The following IRAG1 variants were observed in gnomAD, a reference collection of about 807,000 sequenced individuals.
The protein encoded by IRAG1 is inositol 1,4,5-triphosphate receptor associated 1.
IRAG1 carries 62 observed loss-of-function variants against 106.2 expected under a neutral mutation model. That is an observed-to-expected ratio of 0.58 (90% confidence interval 0.48 to 0.72). The LOEUF is 0.72. Ranked by LOEUF, IRAG1 falls within the 30% of genes least tolerant of loss-of-function variation. IRAG1 has a pLI of 0.00. For missense variants in IRAG1, 1,064 were observed against 1,140.7 expected (o/e 0.93, Z 0.97); for synonymous variants, 462 against 443.9 (o/e 1.04, Z -0.51).
At chr11:10,609,243 C>T (rs1014426933) in intron 11 of IRAG1, among the ~76,000 whole-genome samples, 1 of 152,182 alleles carries the variant, frequency 6.6e-6, no homozygotes, top group African/African-American at 2.4e-5. Flanking sequence ...TATGGTCTTT[C>T]TACCAACTTT....
Position 10,657,329 on chromosome 11 carries a change from T to C in IRAG1, c.68-5147A>G, listed in dbSNP as rs1858999576. Among the ~76,000 whole-genome samples the C allele has an allele frequency of 6.6e-6, 1 of 152,196 alleles. No homozygotes were observed. Among genetic ancestry groups the C allele is most frequent in the African/African-American group, 2.4e-5 (1 of 41,450 alleles). ...GGGAATTCACCGAATCTGGGTCTGA[T>C]GCTCCCCTTCCTTGCAGGGCCAAGC... On this transcript the variant is annotated intron_variant, in intron 1 of 20. Transcript: ENST00000423302. The surrounding 1 kb of genome is among the most constrained non-coding windows in gnomAD (Gnocchi z 4.1).
chr11:10,654,921 C>T (rs1352315137), intron 1 of IRAG1, among the ~76,000 whole-genome samples: 1 of 152,282 alleles, frequency 6.6e-6, no homozygotes, highest in Non-Finnish European at 1.5e-5. Flanking sequence ...TCTGTGTCTT[C>T]CATGCCAAAT....
chr11:10,615,258 C>A (rs538529884), intron 10 of IRAG1, among the ~76,000 whole-genome samples: 1 of 152,074 alleles, frequency 6.6e-6, no homozygotes, highest in African/African-American at 2.4e-5. Context: ...GTTAGAATGG[C>A]GATCATTAAA....
chr11:10,675,049 T>C (rs538189011), intron 1 of IRAG1, among the ~76,000 whole-genome samples: 2 of 152,328 alleles, frequency 1.3e-5, no homozygotes, highest in South Asian at 4.1e-4. Context: ...GGCACCGCCC[T>C]GCAGATTCTG....
chr11:10,593,774 A>C, intron 16 of IRAG1, 175 bp from the exon 17 acceptor site: 1 of 593,316 alleles, frequency 1.7e-6, no homozygotes, highest in Non-Finnish European at 3.0e-6. Context: ...AGTTGACCCA[A>C]ATTTTCTGTT....
At chr11:10,577,898 T>C (rs1369888086) in intron 20 of IRAG1, among the ~76,000 whole-genome samples, 1 of 152,200 alleles carries the variant, frequency 6.6e-6, no homozygotes, top group African/African-American at 2.4e-5. Context: ...TCATTGACTA[T>C]TTTCACAACT....
At chr11:10,629,233 A>G (rs1856506409) in intron 5 of IRAG1, among the ~76,000 whole-genome samples, 1 of 152,178 alleles carries the variant, frequency 6.6e-6, no homozygotes, top group Non-Finnish European at 1.5e-5. Flanking sequence ...CTTTTTGCTC[A>G]GGAAGAAAAG....
At chr11:10,653,587 A>C (rs112267931) in intron 1 of IRAG1, among the ~76,000 whole-genome samples, 1 of 152,146 alleles carries the variant, frequency 6.6e-6, no homozygotes, top group Non-Finnish European at 1.5e-5. Flanking sequence ...GGAACCAGAT[A>C]TCTCGGTGTG....
At chr11:10,677,341 G>A (rs1860764042) in intron 1 of IRAG1, among the ~76,000 whole-genome samples, 1 of 152,190 alleles carries the variant, frequency 6.6e-6, no homozygotes, top group Non-Finnish European at 1.5e-5. Flanking sequence ...TGTACATACT[G>A]TAGTACCTCT....
chr11:10,685,241 G>A (rs186883398), intron 1 of IRAG1, among the ~76,000 whole-genome samples: 1 of 152,230 alleles, frequency 6.6e-6, no homozygotes, highest in African/African-American at 2.4e-5. Context: ...GAGGTTAGGA[G>A]TTCGAGACCA....
intron 1 of IRAG1, among the ~76,000 whole-genome samples, chr11:10,668,055 C>T (rs557961428): frequency 1.4e-4 from 22 of 152,326 alleles, no homozygotes; most frequent in African/African-American, 4.1e-4. Context: ...GAATATTCCA[C>T]GTGCTATCAA....
rs1463652124 is a variant in IRAG1, at chr11:10,574,415, A to C, written c.*1917T>G. 6.6e-6 allele frequency: 1 copy of C among 152,166 alleles called. No individual in the cohort carries two copies. The highest frequency in any genetic ancestry group is 1.5e-5 in the Non-Finnish European group (1 of 68,034). 9.4% of individuals were successfully genotyped at this position (152,166 alleles called of 1,614,324 possible). A position where few individuals can be genotyped will look rare whatever the true frequency, so the allele number is the denominator to read the frequency against. On this transcript the variant is annotated 3_prime_UTR_variant, in exon 21 of 21. Coordinates refer to ENST00000423302, the MANE Select transcript of IRAG1 (RefSeq NM_130385.4). ...CACTTACCCAAGAGATGGGTAAGAC[A>C]TGGTTCTTGTCTTTGAGGAAAAATG...
At chr11:10,583,796 A>G (rs946188943) in intron 18 of IRAG1, among the ~76,000 whole-genome samples, 1 of 152,172 alleles carries the variant, frequency 6.6e-6, no homozygotes, top group Non-Finnish European at 1.5e-5. Flanking sequence ...AACAAAGGTA[A>G]GATGATGATG....
At chr11:10,611,978 G>T (rs931920102) in intron 10 of IRAG1, among the ~76,000 whole-genome samples, 1 of 152,128 alleles carries the variant, frequency 6.6e-6, no homozygotes, top group African/African-American at 2.4e-5. Context: ...CAGAATGATC[G>T]CACAGAACAC....
intron 2 of IRAG1, among the ~76,000 whole-genome samples, chr11:10,641,460 C>A (rs1295194551): frequency 6.6e-6 from 1 of 152,218 alleles, no homozygotes; most frequent in East Asian, 1.9e-4. Flanking sequence ...AAGGACCCAC[C>A]ACCAAGGCCA....
intron 1 of IRAG1, among the ~76,000 whole-genome samples, chr11:10,675,908 C>T (rs1215513942): frequency 2.6e-5 from 4 of 152,214 alleles, no homozygotes; most frequent in Admixed American, 6.5e-5. Context: ...TGATCGACCA[C>T]GACTCTCAGC....
At chr11:10,678,354 T>C (rs1057089885) in intron 1 of IRAG1, among the ~76,000 whole-genome samples, 1 of 152,208 alleles carries the variant, frequency 6.6e-6, no homozygotes, top group Non-Finnish European at 1.5e-5. Flanking sequence ...CGTCTCCTGA[T>C]GGCAATCCCT....
At chr11:10,604,570 A>G (rs765380899) in intron 12 of IRAG1, 25 bp from the exon 13 acceptor site, 1 of 1,613,804 alleles carries the variant, frequency 6.2e-7, no homozygotes, top group Admixed American at 1.7e-5. Context: ...GGTGTGAGAG[A>G]GGTGCTGGGA....
chr11:10,622,134 G>A (rs1351195837), intron 10 of IRAG1, among the ~76,000 whole-genome samples: 3 of 152,058 alleles, frequency 2.0e-5, no homozygotes, highest in African/African-American at 7.2e-5. Flanking sequence ...ATAAAAAATA[G>A]TCCCCCACCC....
Sources: allele counts gnomAD v4.1 joint callset (sites outside exome capture counted in the v4.1 genomes callset), GRCh38; gene constraint gnomAD v4.1.1; non-coding constraint Gnocchi (gnomAD v3.1); transcripts MANE v1.5; gene names NCBI Gene and HGNC (gene_info 2026-07-23, HGNC 2026-07-21).